The following PXDNL variants were observed in gnomAD, a reference collection of about 807,000 sequenced individuals.
PXDNL encodes the protein peroxidasin like.
A neutral mutation model predicts 150.8 loss-of-function variants in PXDNL; 145 were observed. The ratio of observed to expected loss-of-function variants is 0.96; its 90% CI spans 0.84 to 1.10. The LOEUF is 1.10. PXDNL is among the 50% of genes least tolerant of loss of function. PXDNL has a pLI of 0.00. For synonymous variants in PXDNL, 757 were observed against 725.7 expected, an observed-to-expected ratio of 1.04 and a Z score of -0.69; for missense variants, 2,087 against 1,873.9, an observed-to-expected ratio of 1.11 and a Z score of -2.10.
intron 4 of PXDNL, among the ~76,000 whole-genome samples, chr8:51,507,938 G>A (rs1453424315): frequency 6.6e-6 from 1 of 152,164 alleles, no homozygotes; most frequent in Non-Finnish European, 1.5e-5. Flanking sequence ...AAGGAGTGGT[G>A]GTGACGATGC....
At chr8:51,329,471 A>G (rs1261133861) in intron 21 of PXDNL, among the ~76,000 whole-genome samples, 2 of 152,230 alleles carry the variant, frequency 1.3e-5, no homozygotes, top group Non-Finnish European at 2.9e-5. Flanking sequence ...GACATCATGT[A>G]TGGCTTTAAA....
chr8:51,604,327 T>A (rs1002625444), intron 2 of PXDNL, among the ~76,000 whole-genome samples: 1 of 152,084 alleles, frequency 6.6e-6, no homozygotes, highest in South Asian at 2.1e-4. Flanking sequence ...CCATAAAAAA[T>A]GATGAGTTCA....
chr8:51,762,294 C>A (rs1216786731), intron 1 of PXDNL, among the ~76,000 whole-genome samples: 1 of 152,144 alleles, frequency 6.6e-6, no homozygotes, highest in Non-Finnish European at 1.5e-5. Context: ...CTTGCCATAC[C>A]TTGAAATTAT....
chr8:51,640,669 G>T (rs556325844), intron 2 of PXDNL, among the ~76,000 whole-genome samples: 1 of 152,128 alleles, frequency 6.6e-6, no homozygotes, highest in African/African-American at 2.4e-5. Context: ...ACCTCTTCAA[G>T]GAGAACTACA....
intron 14 of PXDNL, among the ~76,000 whole-genome samples, chr8:51,419,664 C>T (rs185425414): frequency 1.5e-4 from 23 of 152,292 alleles, no homozygotes; most frequent in African/African-American, 5.5e-4. Flanking sequence ...TGAGTCTATA[C>T]TTCACAGCAC....
intron 1 of PXDNL, among the ~76,000 whole-genome samples, chr8:51,731,458 C>A (rs192434642): frequency 1.8e-4 from 28 of 152,370 alleles, no homozygotes; most frequent in Admixed American, 1.8e-3. Context: ...TGGTTGCTTT[C>A]AGGAACTGGC....
chr8:51,385,908 G>A (rs1034925373), intron 17 of PXDNL, among the ~76,000 whole-genome samples: 3 of 152,094 alleles, frequency 2.0e-5, no homozygotes, highest in African/African-American at 4.8e-5. Context: ...CCTCCCAGCC[G>A]AGTGGAACTG....
At chr8:51,716,814 G>C (rs927676872) in intron 1 of PXDNL, among the ~76,000 whole-genome samples, 3 of 152,160 alleles carry the variant, frequency 2.0e-5, no homozygotes, top group Non-Finnish European at 4.4e-5. Flanking sequence ...AGCAGAGAAG[G>C]CTCCCTCGGG....
At chr8:51,712,179 A>AT (rs959277141) in intron 1 of PXDNL, among the ~76,000 whole-genome samples, 201 of 150,718 alleles carry the variant, frequency 1.3e-3, no homozygotes, top group African/African-American at 4.0e-3. Flanking sequence ...CAGTTCTTTG[A>AT]TTTTTTTTTT....
At chr8:51,661,791 A>G (rs1201190525) in intron 1 of PXDNL, among the ~76,000 whole-genome samples, 1 of 151,824 alleles carries the variant, frequency 6.6e-6, no homozygotes. Context: ...CCTGTGGGAA[A>G]CTTGTCTGCA....
intron 1 of PXDNL, among the ~76,000 whole-genome samples, chr8:51,662,388 G>A (rs1327712578): frequency 6.6e-6 from 1 of 151,936 alleles, no homozygotes; most frequent in Non-Finnish European, 1.5e-5. Flanking sequence ...CATGGTGGCA[G>A]GCCCCTGTAG....
Position 51,347,650 on chromosome 8 carries a change from T to C in PXDNL, c.3902-1703A>G, listed in dbSNP as rs182499341. On this transcript the variant is annotated intron_variant, in intron 19 of 22. Coordinates refer to ENST00000356297, the MANE Select transcript of PXDNL (RefSeq NM_144651.5). ...ATCATATTGTTGTATATTACCATAATTGGATAAAAAATTTCTGGAGGCCGG... is the reference window on the plus strand; with the variant it reads ...ATCATATTGTTGTATATTACCATAACTGGATAAAAAATTTCTGGAGGCCGG... 6.6e-5 allele frequency among the ~76,000 whole-genome samples: 10 copies of C among 152,314 alleles called. No homozygotes were observed. The East Asian group carries it at 1.9e-3, about 29-fold the overall frequency.
intron 18 of PXDNL, among the ~76,000 whole-genome samples, chr8:51,373,585 G>C (rs565446341): frequency 6.6e-6 from 1 of 152,110 alleles, no homozygotes; most frequent in Non-Finnish European, 1.5e-5. Context: ...ACTATTAATT[G>C]TTACCAATGT....
intron 15 of PXDNL, among the ~76,000 whole-genome samples, chr8:51,412,042 T>C (rs1170976747): frequency 1.3e-5 from 2 of 152,198 alleles, no homozygotes; most frequent in African/African-American, 4.8e-5. Flanking sequence ...TTATCTTGTA[T>C]CCCAAATACC....
chr8:51,733,015 T>A (rs1816964191), intron 1 of PXDNL, among the ~76,000 whole-genome samples: 1 of 152,196 alleles, frequency 6.6e-6, no homozygotes, highest in Non-Finnish European at 1.5e-5. Flanking sequence ...AGGTGCCCTG[T>A]GGCCATTTTT....
At chr8:51,371,575 T>C (rs936981699) in intron 19 of PXDNL, among the ~76,000 whole-genome samples, 2 of 152,208 alleles carry the variant, frequency 1.3e-5, no homozygotes, top group Non-Finnish European at 2.9e-5. Flanking sequence ...TACCAAGTGA[T>C]TGGCATTTGA....
chr8:51,335,132 C>A (rs1325606433), intron 21 of PXDNL, among the ~76,000 whole-genome samples: 3 of 152,030 alleles, frequency 2.0e-5, no homozygotes, highest in African/African-American at 4.8e-5. Context: ...TTTTCCAGAC[C>A]TAATTAATTT....
Position 51,551,523 on chromosome 8 carries a change from A to G in PXDNL, c.380+5317T>C, listed in dbSNP as rs185524096. Among the ~76,000 whole-genome samples the G allele has an allele frequency of 1.9e-3, 283 of 152,286 alleles. 2 individuals carry two copies. Among genetic ancestry groups the G allele is most frequent in the African/African-American group, 6.4e-3 (265 of 41,574 alleles). On this transcript the variant is annotated intron_variant, in intron 4 of 22. Transcript: ENST00000356297. ...AATAGAGAACTCAGAAATAAAGCCAAATACTTACAGCCAACTGATCTTTGG... is the reference window on the plus strand; with the variant it reads ...AATAGAGAACTCAGAAATAAAGCCAGATACTTACAGCCAACTGATCTTTGG...
At chr8:51,453,156 A>G (rs559576964) in intron 10 of PXDNL, among the ~76,000 whole-genome samples, 1 of 152,354 alleles carries the variant, frequency 6.6e-6, no homozygotes, top group African/African-American at 2.4e-5. Flanking sequence ...TTGAGTAGAC[A>G]GTTTGGTAAG....
Sources: gnomAD v4.1 joint callset for allele counts (sites outside exome capture counted in the v4.1 genomes callset) on GRCh38, gnomAD v4.1.1 for gene constraint, MANE v1.5 for transcripts, NCBI Gene and HGNC (gene_info 2026-07-23, HGNC 2026-07-21) for gene names.